Variants in RALGAPA1 observed in about 807,000 individuals in gnomAD.
RALGAPA1 encodes Ral GTPase activating protein catalytic subunit alpha 1, also known as ral GTPase-activating protein subunit alpha-1.
RALGAPA1 carries 52 observed loss-of-function variants against 269.6 expected under a neutral mutation model. The ratio of observed to expected loss-of-function variants is 0.19; its 90% confidence interval spans 0.15 to 0.24. The LOEUF (loss-of-function observed/expected upper bound fraction) is 0.24. RALGAPA1 is among the 10% of genes least tolerant of loss of function. RALGAPA1 has a pLI of 1.00. For synonymous variants in RALGAPA1, 817 were observed against 1,008.3 expected, an observed-to-expected ratio of 0.81 and a Z score of 3.60; for missense variants, 1,917 against 3,013.9, an observed-to-expected ratio of 0.64 and a Z score of 8.52.
At chr14:35,732,341 C>CAA (rs113771684) in intron 12 of RALGAPA1, among the ~76,000 whole-genome samples, 3 of 134,108 alleles carry the variant, frequency 2.2e-5, no homozygotes, top group Admixed American at 1.5e-4. Context: ...AAATCGAAAA[C>CAA]AAAAAAAAAA....
chr14:35,736,059 G>A (rs924928133), intron 12 of RALGAPA1, among the ~76,000 whole-genome samples: 2 of 152,174 alleles, frequency 1.3e-5, no homozygotes, highest in African/African-American at 4.8e-5. Flanking sequence ...GGTGGGCAGG[G>A]CAGAAGCAGG....
intron 33 of RALGAPA1, among the ~76,000 whole-genome samples, chr14:35,632,036 C>T (rs189588681): frequency 1.3e-3 from 200 of 152,152 alleles, no homozygotes; most frequent in African/African-American, 4.5e-3. Flanking sequence ...ATTGAAAACA[C>T]GTAAAGAATA....
At chr14:35,698,399 T>C (rs2067063230) in intron 17 of RALGAPA1, among the ~76,000 whole-genome samples, 1 of 152,162 alleles carries the variant, frequency 6.6e-6, no homozygotes, top group African/African-American at 2.4e-5. Flanking sequence ...AACATGAATA[T>C]TTGCCAATAT....
chr14:35,617,352 G>A (rs570704178), intron 35 of RALGAPA1, among the ~76,000 whole-genome samples: 8 of 151,826 alleles, frequency 5.3e-5, no homozygotes, highest in South Asian at 2.1e-4. Context: ...GCACAGTGGC[G>A]CATGCCTGTA....
chr14:35,761,428 T>C (rs11850938), intron 5 of RALGAPA1, among the ~76,000 whole-genome samples: 3,317 of 152,268 alleles, frequency 0.022, 122 homozygotes, highest in African/African-American at 0.075. Flanking sequence ...CCTGGCACAC[T>C]GCGAATTCAA....
chr14:35,774,803 T>A (rs1401574575), intron 3 of RALGAPA1, among the ~76,000 whole-genome samples: 1 of 152,144 alleles, frequency 6.6e-6, no homozygotes, highest in Non-Finnish European at 1.5e-5. Context: ...AAAACATAAT[T>A]ATATCTGTAC....
intron 39 of RALGAPA1, among the ~76,000 whole-genome samples, chr14:35,552,528 A>G (rs1263669166): frequency 6.6e-6 from 1 of 152,158 alleles, no homozygotes; most frequent in Non-Finnish European, 1.5e-5. Flanking sequence ...AAAAACCGAA[A>G]TGGATAAGAT....
At chr14:35,700,031 T>TTTCC (rs2067216138) in intron 17 of RALGAPA1, 131 bp downstream of exon 17, 1 of 747,956 alleles carries the variant, frequency 1.3e-6, no homozygotes. Flanking sequence ...GATTTCTCAA[T>TTTCC]CACTTTCCCA....
chr14:35,779,822 A>T (rs2075310160), intron 1 of RALGAPA1, among the ~76,000 whole-genome samples: 1 of 152,160 alleles, frequency 6.6e-6, no homozygotes, highest in Non-Finnish European at 1.5e-5. Flanking sequence ...TTCTAACGCT[A>T]ATAAAAATGA....
Position 35,684,001 on chromosome 14 carries a change from ATGT to A in RALGAPA1, c.4295-19_4295-17del, listed in dbSNP as rs1391208121. The A allele has an allele frequency of 1.3e-6, 2 of 1,591,482 alleles. No individual in the cohort carries two copies. The highest frequency in any genetic ancestry group is 1.4e-5 in the African/African-American group (1 of 73,914). ...AAGCCAAAATCTATAGGAAGAAGAA[ATGT>A]TATTATATGAGTCCCAATTACAAAG... On this transcript the variant is annotated splice_polypyrimidine_tract_variant and intron_variant, in intron 20 of 41. Coordinates refer to ENST00000680220, the MANE Select transcript of RALGAPA1 (RefSeq NM_001346249.2).
chr14:35,589,567 T>G (rs959176342), intron 37 of RALGAPA1, among the ~76,000 whole-genome samples: 4 of 152,080 alleles, frequency 2.6e-5, no homozygotes, highest in Non-Finnish European at 5.9e-5. Flanking sequence ...AAAAGAAATA[T>G]ATGAGAAATA....
intron 39 of RALGAPA1, among the ~76,000 whole-genome samples, chr14:35,552,283 G>A (rs190022573): frequency 6.6e-6 from 1 of 152,174 alleles, no homozygotes; most frequent in East Asian, 1.9e-4. Flanking sequence ...TGATTGAGAT[G>A]ATTAAAGTTC....
chr14:35,579,995 A>G (rs1016132044), intron 37 of RALGAPA1, among the ~76,000 whole-genome samples: 4 of 152,236 alleles, frequency 2.6e-5, no homozygotes, highest in Non-Finnish European at 4.4e-5. Context: ...TAAAATAAAG[A>G]AAAACAGATT....
intron 22 of RALGAPA1, chr14:35,677,065 G>C (rs530870243): frequency 6.6e-6 from 1 of 152,126 alleles, no homozygotes; most frequent in Non-Finnish European, 1.5e-5. Context: ...CCCTTGGGCC[G>C]GGTGTGGTGG....
At chr14:35,542,709 T>C (rs2138997785) in intron 41 of RALGAPA1, among the ~76,000 whole-genome samples, 1 of 152,354 alleles carries the variant, frequency 6.6e-6, no homozygotes, top group Admixed American at 6.5e-5. Context: ...ATTTCTATTA[T>C]TAATATATCC....
At chr14:35,748,916 C>A in intron 9 of RALGAPA1, 92 bp from the exon 10 acceptor site, 1 of 1,411,366 alleles carries the variant, frequency 7.1e-7, no homozygotes. Context: ...CTGACAAAAT[C>A]CAAAACATTT....
At chr14:35,610,258 C>T (rs570608342) in intron 35 of RALGAPA1, among the ~76,000 whole-genome samples, 1 of 150,078 alleles carries the variant, frequency 6.7e-6, no homozygotes, top group African/African-American at 2.4e-5. Context: ...ATAAAATGAT[C>T]AAATTCCTAG....
chr14:35,759,809 G>A (rs1413101698), intron 6 of RALGAPA1, among the ~76,000 whole-genome samples: 1 of 151,634 alleles, frequency 6.6e-6, no homozygotes, highest in Non-Finnish European at 1.5e-5. Flanking sequence ...CTACTCGGGA[G>A]GCTGAGGCAG....
At chr14:35,564,080 TAAC>T (rs2056501477) in intron 39 of RALGAPA1, among the ~76,000 whole-genome samples, 1 of 152,202 alleles carries the variant, frequency 6.6e-6, no homozygotes, top group Non-Finnish European at 1.5e-5. Flanking sequence ...TAGATGATAA[TAAC>T]GATAGCATCA....
Sources: allele counts gnomAD v4.1 joint callset (sites outside exome capture counted in the v4.1 genomes callset), GRCh38; gene constraint gnomAD v4.1.1; transcripts MANE v1.5; gene names NCBI Gene and HGNC (gene_info 2026-07-23, HGNC 2026-07-21).